Variants in XYLT1 observed in about 807,000 individuals in gnomAD.
XYLT1 encodes the protein xylosyltransferase 1.
XYLT1 carries 36 observed loss-of-function variants against 91.3 expected under a neutral mutation model. The observed-to-expected ratio is 0.39, with a 90% CI of 0.30 to 0.52. The LOEUF (loss-of-function observed/expected upper bound fraction) is 0.52, where lower values mean the gene tolerates loss of function less well. Ranked by LOEUF, XYLT1 falls within the 20% of genes least tolerant of loss-of-function variation. The probability of loss-of-function intolerance (pLI) is 0.68; values close to 1 mark genes in which losing one functional copy is unlikely to be tolerated. For synonymous variants in XYLT1, 588 were observed against 532.0 expected, an observed-to-expected ratio of 1.11 and a Z score of -1.45; for missense variants, 1,242 against 1,284.5, an observed-to-expected ratio of 0.97 and a Z score of 0.51.
intron 6 of XYLT1, among the ~76,000 whole-genome samples, chr16:17,157,109 G>A (rs748021052): frequency 4.6e-5 from 7 of 151,926 alleles, no homozygotes; most frequent in Admixed American, 2.0e-4. Context: ...CACCACACCC[G>A]GCTAATTTTT....
intron 1 of XYLT1, among the ~76,000 whole-genome samples, chr16:17,396,080 G>T (rs916731948): frequency 3.9e-5 from 6 of 152,126 alleles, no homozygotes; most frequent in African/African-American, 1.4e-4. Flanking sequence ...AAACAAAGGC[G>T]TCTGGCTTGG....
At chr16:17,117,494 G>T in intron 11 of XYLT1, 152 bp downstream of exon 11, 1 of 799,230 alleles carries the variant, frequency 1.3e-6, no homozygotes, top group Non-Finnish European at 1.9e-6. Flanking sequence ...TTTCTCTAGG[G>T]AAACACAGAG....
chr16:17,412,143 CCTT>C (rs1170982510), intron 1 of XYLT1, among the ~76,000 whole-genome samples: 2 of 152,096 alleles, frequency 1.3e-5, no homozygotes, highest in African/African-American at 2.4e-5. Context: ...ACCTACAACT[CCTT>C]CTCTGAGCCC....
At chr16:17,463,227 C>T (rs544568598) in intron 1 of XYLT1, among the ~76,000 whole-genome samples, 2 of 152,148 alleles carry the variant, frequency 1.3e-5, no homozygotes, top group South Asian at 2.1e-4. Context: ...AATAGACAAA[C>T]GGGATCACAT....
intron 2 of XYLT1, among the ~76,000 whole-genome samples, chr16:17,267,872 G>A (rs1473880316): frequency 1.3e-5 from 2 of 151,050 alleles, no homozygotes; most frequent in Non-Finnish European, 2.9e-5. Flanking sequence ...AATCTAATGA[G>A]GCTGTTATGA....
Position 17,246,843 on chromosome 16 carries a change from C to T in XYLT1, c.913+12145G>A, listed in dbSNP as rs537841240. Among the ~76,000 whole-genome samples the T allele has an allele frequency of 7.9e-5, 12 of 152,298 alleles. No individual in the cohort carries two copies. In the East Asian group the frequency reaches 2.3e-3, roughly 29 times the overall value. ...CCAACAGAATTAAGGGTACTCAGCC[C>T]TTGTGGCTCAGTGTGGGCTACAGAG... On this transcript the variant is annotated intron_variant, in intron 3 of 11. Coordinates refer to ENST00000261381, the MANE Select transcript of XYLT1 (RefSeq NM_022166.4).
chr16:17,167,408 C>T (rs1418316905), intron 5 of XYLT1, among the ~76,000 whole-genome samples: 1 of 152,234 alleles, frequency 6.6e-6, no homozygotes, highest in Non-Finnish European at 1.5e-5. Context: ...CCTCCCCCTG[C>T]CTCATGAATG....
rs554127822 is a variant in XYLT1 at position 17,342,476 on chromosome 16, C to T, written c.402+15536G>A. 7.2e-5 allele frequency among the ~76,000 whole-genome samples: 11 copies of T among 152,226 alleles called. No homozygotes were observed. In the South Asian group the frequency reaches 1.9e-3, roughly 26 times the overall value. ...GCGGCTCATGCCTGTAATCCCAGCACTTTGGGAGGCCGAGACAGGCAGATC... is the reference window on the plus strand; with the variant it reads ...GCGGCTCATGCCTGTAATCCCAGCATTTTGGGAGGCCGAGACAGGCAGATC... On this transcript the variant is annotated intron_variant, in intron 2 of 11. Transcript: ENST00000261381.
chr16:17,243,619 G>A (rs1269864411), intron 3 of XYLT1, among the ~76,000 whole-genome samples: 1 of 152,172 alleles, frequency 6.6e-6, no homozygotes, highest in African/African-American at 2.4e-5. Flanking sequence ...GTGAGGGAGG[G>A]GCACAGCTAA....
intron 2 of XYLT1, among the ~76,000 whole-genome samples, chr16:17,343,010 C>T (rs1322060666): frequency 6.6e-6 from 1 of 152,134 alleles, no homozygotes; most frequent in African/African-American, 2.4e-5. Context: ...AACATGTTTC[C>T]AGTCACAGCT....
At chr16:17,337,126 A>G (rs759357102) in intron 2 of XYLT1, among the ~76,000 whole-genome samples, 5 of 152,070 alleles carry the variant, frequency 3.3e-5, no homozygotes, top group Non-Finnish European at 5.9e-5. Flanking sequence ...AATTCTCACA[A>G]TTTTTTGCCT....
At chr16:17,203,934 G>C (rs1291228448) in intron 3 of XYLT1, among the ~76,000 whole-genome samples, 1 of 152,238 alleles carries the variant, frequency 6.6e-6, no homozygotes, top group Non-Finnish European at 1.5e-5. Context: ...CTGAAGAAGA[G>C]TGGCTGCTCT....
intron 1 of XYLT1, among the ~76,000 whole-genome samples, chr16:17,385,251 AACACACATAAACACACATAC>A (rs2035732562): frequency 9.1e-6 from 1 of 109,708 alleles, no homozygotes; most frequent in Non-Finnish European, 1.9e-5. Flanking sequence ...CCATCCCCAT[AACACACATAAACACACATAC>A]ACACACACAC....
intron 3 of XYLT1, among the ~76,000 whole-genome samples, chr16:17,235,869 T>TATG (rs2033239594): frequency 6.6e-6 from 1 of 152,050 alleles, no homozygotes; most frequent in Non-Finnish European, 1.5e-5. Flanking sequence ...TAATCATTGT[T>TATG]ATTATTATTA....
intron 2 of XYLT1, among the ~76,000 whole-genome samples, chr16:17,356,902 C>A (rs532549588): frequency 9.9e-5 from 15 of 152,032 alleles, no homozygotes; most frequent in Non-Finnish European, 1.8e-4. Flanking sequence ...ACTTGCCGGA[C>A]GCAGTGGCTC....
At position 17,436,891 on chromosome 16, in the gene XYLT1, T is replaced by C. The variant is rs565168000; in HGVS notation, c.363+33543A>G. On this transcript the variant is annotated intron_variant, in intron 1 of 11. Transcript: ENST00000261381. The stretch of plus-strand genomic sequence containing the variant: ...GTGAGAGAAGTGAAGACTTATTCCA[T>C]TCACTGGGTAACATATGGGTTTCCC... Among the ~76,000 whole-genome samples, 3 of 152,340 alleles carry C rather than the reference T, an allele frequency of 2.0e-5. No individual in the cohort carries two copies. In the South Asian group the frequency reaches 6.2e-4, roughly 32 times the overall value.
chr16:17,391,798 T>C (rs114718764), intron 1 of XYLT1, among the ~76,000 whole-genome samples: 6,617 of 152,182 alleles, frequency 0.043, 460 homozygotes, highest in African/African-American at 0.15. Flanking sequence ...ATGGGGGTAG[T>C]TTCCCCCCAT....
intron 2 of XYLT1, among the ~76,000 whole-genome samples, chr16:17,293,421 G>T (rs1472192406): frequency 6.6e-6 from 1 of 151,790 alleles, no homozygotes; most frequent in Admixed American, 6.6e-5. Context: ...ACACTTTGGA[G>T]GTGTAAAGCT....
At chr16:17,362,469 G>A (rs1219611846) in intron 1 of XYLT1, among the ~76,000 whole-genome samples, 1 of 152,206 alleles carries the variant, frequency 6.6e-6, no homozygotes, top group East Asian at 1.9e-4. Flanking sequence ...GTGACTCTGT[G>A]TACACTGCTA....
Sources: gnomAD v4.1 joint callset for allele counts (sites outside exome capture counted in the v4.1 genomes callset) on GRCh38, gnomAD v4.1.1 for gene constraint, MANE v1.5 for transcripts, NCBI Gene and HGNC (gene_info 2026-07-23, HGNC 2026-07-21) for gene names.